SYNRG: variants seen among roughly 807,000 people sequenced by gnomAD.
The protein encoded by SYNRG is synergin gamma.
In SYNRG, 37 loss-of-function variants were observed where a neutral mutation model predicts 130.9. The ratio of observed to expected loss-of-function variants is 0.28; its 90% confidence interval spans 0.22 to 0.37. The LOEUF is 0.37. Ranked by LOEUF, SYNRG falls within the 10% of genes least tolerant of loss-of-function variation. The pLI, the probability that SYNRG is intolerant of heterozygous loss-of-function variation, is 1.00. For synonymous variants in SYNRG, 539 were observed against 568.1 expected (o/e 0.95, Z 0.73); for missense variants, 1,338 against 1,588.9 (o/e 0.84, Z 2.68).
chr17:37,574,365 A>C (rs1358123010), intron 8 of SYNRG, among the ~76,000 whole-genome samples: 1 of 152,222 alleles, frequency 6.6e-6, no homozygotes, highest in Non-Finnish European at 1.5e-5. Flanking sequence ...CTTGAGTAAT[A>C]ACCCAAAAGT....
At chr17:37,528,948 G>A (rs1252479997) in intron 19 of SYNRG, among the ~76,000 whole-genome samples, 2 of 152,170 alleles carry the variant, frequency 1.3e-5, no homozygotes, top group African/African-American at 2.4e-5. Flanking sequence ...CAATTATAAC[G>A]GAAAGCACAT....
At chr17:37,552,172 C>T (rs2145321942) in intron 14 of SYNRG, among the ~76,000 whole-genome samples, 1 of 152,228 alleles carries the variant, frequency 6.6e-6, no homozygotes, top group South Asian at 2.1e-4. Flanking sequence ...CCTAGTTAGA[C>T]AAAACCAAAT....
At chr17:37,570,987 T>A in intron 9 of SYNRG, 102 bp from the exon 10 acceptor site, 1 of 1,410,094 alleles carries the variant, frequency 7.1e-7, no homozygotes, top group Non-Finnish European at 9.5e-7. Flanking sequence ...CTTTGCATGT[T>A]TCCACTCCAA....
At position 37,539,261 on chromosome 17, in the gene SYNRG, A is replaced by G. The variant is rs766091801; in HGVS notation, c.3367-16T>C. The G allele has an allele frequency of 3.1e-6, 5 of 1,613,776 alleles. No homozygotes were observed. The Admixed American group carries it at 6.7e-5, about 22-fold the overall frequency. ...TCTCATTTTCCTGTGAATTTGTTAA[A>G]AAGAACTGGGTTAAACACACAAACC... On this transcript the variant is annotated splice_polypyrimidine_tract_variant and intron_variant, in intron 16 of 21. Transcript: ENST00000612223.
chr17:37,560,098 A>G (rs1046453942), intron 13 of SYNRG, among the ~76,000 whole-genome samples: 1 of 151,938 alleles, frequency 6.6e-6, no homozygotes, highest in Admixed American at 6.6e-5. Flanking sequence ...TTTTGTAGAG[A>G]CAAGGTCTCA....
At chr17:37,554,164 G>T in intron 13 of SYNRG, 105 bp from the exon 14 acceptor site, 2 of 978,224 alleles carry the variant, frequency 2.0e-6, no homozygotes, top group Non-Finnish European at 1.5e-6. Context: ...TTTCTCCACT[G>T]ACTTGACATT....
intron 13 of SYNRG, among the ~76,000 whole-genome samples, chr17:37,558,790 G>A (rs2059307218): frequency 6.6e-6 from 1 of 152,202 alleles, no homozygotes; most frequent in Admixed American, 6.6e-5. Flanking sequence ...AACATACTAA[G>A]TGAGCATTGT....
intron 6 of SYNRG, chr17:37,579,228 G>A (rs1212245103): frequency 1.6e-6 from 2 of 1,276,938 alleles, no homozygotes; most frequent in Admixed American, 2.6e-5. Context: ...CTCTGACTTG[G>A]AGGGAGAGGC....
At chr17:37,585,455 G>A in intron 4 of SYNRG, 25 bp from the exon 5 acceptor site, 1 of 1,533,722 alleles carries the variant, frequency 6.5e-7, no homozygotes, top group Non-Finnish European at 9.0e-7. Flanking sequence ...ATCTAATAAA[G>A]AACCAGCTCC....
At chr17:37,550,419 A>G (rs2058621900) in intron 14 of SYNRG, among the ~76,000 whole-genome samples, 1 of 152,230 alleles carries the variant, frequency 6.6e-6, no homozygotes, top group African/African-American at 2.4e-5. Flanking sequence ...GTCTTAGGAT[A>G]CTATTGCTTT....
intron 3 of SYNRG, among the ~76,000 whole-genome samples, chr17:37,591,257 C>T (rs770361915): frequency 1.3e-5 from 2 of 152,176 alleles, no homozygotes; most frequent in Non-Finnish European, 2.9e-5. Flanking sequence ...AGATGTAAAT[C>T]TAACCAAACA....
At chr17:37,579,376 A>T (rs1320584659) in intron 6 of SYNRG, 2 of 1,304,222 alleles carry the variant, frequency 1.5e-6, no homozygotes, top group African/African-American at 3.0e-5. Context: ...ATTCTTCTTC[A>T]TCAAGAAAGG....
chr17:37,532,705 A>G (rs2056764113), intron 19 of SYNRG, among the ~76,000 whole-genome samples: 1 of 151,210 alleles, frequency 6.6e-6, no homozygotes, highest in Non-Finnish European at 1.5e-5. Context: ...ATTAGTAGGT[A>G]AAAAATGAAA....
At chr17:37,598,141 A>G (rs2062940511) in intron 2 of SYNRG, among the ~76,000 whole-genome samples, 1 of 152,198 alleles carries the variant, frequency 6.6e-6, no homozygotes, top group Non-Finnish European at 1.5e-5. Flanking sequence ...TGGAACTTAC[A>G]CTGTAATTAG....
chr17:37,519,024 G>T lies in SYNRG; in HGVS notation c.3861C>A (p.His1287Gln). 1 of 1,614,228 alleles carries T rather than the reference G, an allele frequency of 6.2e-7. No homozygotes were observed. Among genetic ancestry groups the T allele is most frequent in the Non-Finnish European group, 8.5e-7 (1 of 1,180,038 alleles). The change falls in exon 22 of 22, where the codon CAC becomes CAA. Residue 1287 changes from histidine to glutamine, a missense_variant. Around this residue, in one of 3 missense-constraint regions of SYNRG, gnomAD observed 1,146 missense variants for 1,342.3 expected, o/e 0.85. Coordinates refer to ENST00000612223, the MANE Select transcript of SYNRG (RefSeq NM_007247.6). ...TDSFKLAYGG[H>Q]QYHASCANFW... The stretch of plus-strand genomic sequence containing the variant: ...AGTTGGCACAGCTGGCGTGATACTG[G>T]TGCCCTCCATAGGCCAGCTTGAAAC...
intron 17 of SYNRG, chr17:37,538,916 T>C (rs536064223): frequency 1.6e-6 from 1 of 607,508 alleles, no homozygotes; most frequent in South Asian, 7.3e-5. Context: ...TTAGCTTAAA[T>C]ATTATTTTGA....
intron 13 of SYNRG, 76 bp downstream of exon 13, chr17:37,561,119 A>T: frequency 8.0e-7 from 1 of 1,251,346 alleles, no homozygotes; most frequent in Non-Finnish European, 1.2e-6. Flanking sequence ...AGGGAATGCC[A>T]CTGAAAGAAC....
chr17:37,536,155 G>C, intron 18 of SYNRG, 28 bp from the exon 19 acceptor site: 1 of 1,587,384 alleles, frequency 6.3e-7, no homozygotes. Flanking sequence ...CAGAGAGAGA[G>C]TGTTGGCAGT....
intron 4 of SYNRG, 134 bp downstream of exon 4, chr17:37,586,285 G>A (rs2061684425): frequency 7.6e-7 from 1 of 1,313,750 alleles, no homozygotes; most frequent in African/African-American, 1.5e-5. Context: ...TGAACCACTG[G>A]GCCAGGCCTT....
Sources: allele counts gnomAD v4.1 joint callset (sites outside exome capture counted in the v4.1 genomes callset), GRCh38; gene constraint gnomAD v4.1.1; regional missense constraint gnomAD v4.1.1; transcripts MANE v1.5; gene names NCBI Gene and HGNC (gene_info 2026-07-23, HGNC 2026-07-21).